Variants in PXDN observed in about 807,000 individuals in gnomAD.
PXDN encodes the protein peroxidasin, also known as peroxidasin homolog.
Under a neutral mutation model 140.3 loss-of-function variants are expected in PXDN, and 77 were observed. That is an observed-to-expected ratio of 0.55 (90% CI 0.46 to 0.66). The LOEUF is 0.66. Among genes scored for constraint, PXDN ranks in the 30% least tolerant of loss-of-function variants. PXDN has a pLI of 0.00. For synonymous variants in PXDN, 911 were observed against 857.4 expected (o/e 1.06, Z -1.09); for missense variants, 1,838 against 2,039.5 (o/e 0.90, Z 1.90).
At chr2:1,744,174 C>G (rs1313382357) in intron 1 of PXDN, 82 bp downstream of exon 1, 15 of 1,321,348 alleles carry the variant, frequency 1.1e-5, no homozygotes, top group Non-Finnish European at 1.5e-5. Context: ...CCTCCGCGCC[C>G]CCCACCTCCG....
intron 21 of PXDN, chr2:1,636,854 AC>A (rs1039815032): frequency 2.6e-5 from 4 of 152,318 alleles, no homozygotes; most frequent in African/African-American, 4.8e-5. Flanking sequence ...AGAAGCAGTG[AC>A]CACGCCGGCC....
intron 8 of PXDN, among the ~76,000 whole-genome samples, chr2:1,676,012 T>A (rs1420512754): frequency 6.6e-6 from 1 of 152,148 alleles, no homozygotes; most frequent in Non-Finnish European, 1.5e-5. Context: ...GATTTTCTTT[T>A]AAGGATTCCT....
chr2:1,653,340 C>A (rs1279649513), intron 16 of PXDN: 1 of 425,610 alleles, frequency 2.3e-6, no homozygotes, highest in Admixed American at 3.4e-5. Context: ...CTTGCATAAC[C>A]CACCCTGGCC....
At chr2:1,642,487 A>G (rs575857825) in intron 19 of PXDN, among the ~76,000 whole-genome samples, 1 of 152,308 alleles carries the variant, frequency 6.6e-6, no homozygotes, top group African/African-American at 2.4e-5. Flanking sequence ...TTGCCGGGTG[A>G]GGCCGGGATC....
intron 21 of PXDN, 108 bp from the exon 22 acceptor site, chr2:1,635,629 C>A: frequency 2.4e-6 from 2 of 849,630 alleles, no homozygotes; most frequent in Non-Finnish European, 1.9e-6. Context: ...AAATAAACAA[C>A]ATTTGAGGGG....
intron 13 of PXDN, among the ~76,000 whole-genome samples, chr2:1,661,684 T>G (rs2125423654): frequency 6.6e-6 from 1 of 152,306 alleles, no homozygotes; most frequent in Non-Finnish European, 1.5e-5. Context: ...CTGAGCTTAA[T>G]AAAAACAGCA....
At chr2:1,658,667 G>A (rs959868664) in intron 14 of PXDN, among the ~76,000 whole-genome samples, 1 of 151,940 alleles carries the variant, frequency 6.6e-6, no homozygotes, top group Admixed American at 6.6e-5. Context: ...CTTCCTCATG[G>A]CGTCCCGGTA....
At chr2:1,712,482 T>C (rs1235335046) in intron 1 of PXDN, among the ~76,000 whole-genome samples, 2 of 152,188 alleles carry the variant, frequency 1.3e-5, no homozygotes, top group Non-Finnish European at 2.9e-5. Flanking sequence ...CAAGTTGAAA[T>C]GTCAGGAGCC....
chr2:1,691,260 T>A (rs1481599355), intron 3 of PXDN, among the ~76,000 whole-genome samples: 1 of 152,210 alleles, frequency 6.6e-6, no homozygotes, highest in Non-Finnish European at 1.5e-5. Flanking sequence ...GACACACACT[T>A]CGTCACCTTT....
At chr2:1,697,877 G>A (rs986604670) in intron 1 of PXDN, among the ~76,000 whole-genome samples, 1 of 152,214 alleles carries the variant, frequency 6.6e-6, no homozygotes, top group Admixed American at 6.5e-5. Context: ...GCTCTGGCAC[G>A]CCCTCTATGA....
Position 1,644,756 on chromosome 2 carries a change from A to C in PXDN, c.3609-4T>G. 1.3e-6 allele frequency: 2 copies of C among 1,503,538 alleles called. No homozygotes were observed. Among genetic ancestry groups the C allele is most frequent in the Non-Finnish European group, 8.9e-7 (1 of 1,117,488 alleles). 93.1% of individuals were successfully genotyped at this position (1,503,538 alleles called of 1,614,324 possible). ...GTTGAGTGTCGAGCCATACAACCTA[A>C]AAAATAAAGAGAAAACTGAAATCTA... is the stretch of plus-strand genomic sequence containing the variant. On this transcript the variant is annotated splice_region_variant and splice_polypyrimidine_tract_variant and intron_variant, in intron 17 of 22. Transcript: ENST00000252804.
At chr2:1,706,211 C>T (rs1684603212) in intron 1 of PXDN, among the ~76,000 whole-genome samples, 1 of 152,206 alleles carries the variant, frequency 6.6e-6, no homozygotes, top group Non-Finnish European at 1.5e-5. Flanking sequence ...GGGAGCTGGT[C>T]TGTCCAGCAC....
At chr2:1,697,805 G>C (rs1308832238) in intron 1 of PXDN, among the ~76,000 whole-genome samples, 1 of 152,214 alleles carries the variant, frequency 6.6e-6, no homozygotes, top group Non-Finnish European at 1.5e-5. Context: ...ACATGCCAAT[G>C]AGTGGACCAC....
chr2:1,735,116 C>A (rs1325828870), intron 1 of PXDN, among the ~76,000 whole-genome samples: 1 of 152,176 alleles, frequency 6.6e-6, no homozygotes, highest in Non-Finnish European at 1.5e-5. Flanking sequence ...TCTCTCATAT[C>A]TTCAGACTCC....
At position 1,644,766 on chromosome 2, in the gene PXDN, A is replaced by C. The variant is rs375916317; in HGVS notation, c.3609-14T>G. 2 of 1,495,452 alleles carry C rather than the reference A, an allele frequency of 1.3e-6. No individual in the cohort carries two copies. The highest frequency in any genetic ancestry group is 1.4e-5 in the South Asian group (1 of 72,496). The allele number at this position is 1,495,452 out of a possible 1,614,324, so 92.6% of individuals were successfully genotyped here. A position where few individuals can be genotyped will look rare whatever the true frequency, so the allele number is the denominator to read the frequency against. ...GAGCCATACAACCTAAAAAATAAAG[A>C]GAAAACTGAAATCTACCTAACAAAG... On this transcript the variant is annotated splice_polypyrimidine_tract_variant and intron_variant, in intron 17 of 22. Transcript: ENST00000252804.
intron 19 of PXDN, among the ~76,000 whole-genome samples, chr2:1,642,475 G>A (rs1682750820): frequency 6.6e-6 from 1 of 152,250 alleles, no homozygotes; most frequent in African/African-American, 2.4e-5. Flanking sequence ...AAGCTCCACA[G>A]ATTGCCGGGT....
In PXDN at chr2:1,680,300, T is replaced by G. The variant is rs1193579432; in HGVS notation, c.623A>C (p.Lys208Thr). The G allele has an allele frequency of 2.5e-6, 4 of 1,613,902 alleles. No homozygotes were observed. The Admixed American group carries it at 6.7e-5, about 27-fold the overall frequency. The change falls in exon 7 of 23, where the codon AAA (lysine) becomes ACA (threonine). Residue 208 changes from lysine to threonine, a missense_variant. Physicochemically the swap from Lys to Thr is moderately conservative, Grantham distance 78 (BLOSUM62 -1). Transcript: ENST00000252804. ...CEILWLADLL[K>T]TYAESGNAQA... ...CGCGTTCCCCGACTCCGCGTAGGTT[T>G]TCAGCAAATCCGCCAACCACAGGAT...
chr2:1,738,020 C>T (rs1219513795), intron 1 of PXDN, among the ~76,000 whole-genome samples: 1 of 152,162 alleles, frequency 6.6e-6, no homozygotes, highest in African/African-American at 2.4e-5. Flanking sequence ...CAGAGTTTAA[C>T]AATTCAACCA....
In PXDN at chr2:1,685,198, C is replaced by T. The variant is rs915221047; in HGVS notation, c.417-1047G>A. Reference sequence around the variant, plus strand: ...GGCCACACTGAGTCTCTGCGGACACCTGCAGCCGGAGGGCCCCCAAACGCA... The same window carrying T: ...GGCCACACTGAGTCTCTGCGGACACTTGCAGCCGGAGGGCCCCCAAACGCA... On this transcript the variant is annotated intron_variant, in intron 4 of 22. Transcript: ENST00000252804. The surrounding 1 kb of genome is among the most constrained non-coding windows in gnomAD (Gnocchi z 5.1). 6.6e-6 allele frequency among the ~76,000 whole-genome samples: 1 copy of T among 152,240 alleles called. No individual in the cohort carries two copies. The highest frequency in any genetic ancestry group is 6.5e-5 in the Admixed American group (1 of 15,288).
Sources: allele counts gnomAD v4.1 joint callset (sites outside exome capture counted in the v4.1 genomes callset), GRCh38; gene constraint gnomAD v4.1.1; non-coding constraint Gnocchi (gnomAD v3.1); transcripts MANE v1.5; gene names NCBI Gene and HGNC (gene_info 2026-07-23, HGNC 2026-07-21).